The following SPAG16 variants were observed in gnomAD, a reference collection of about 807,000 sequenced individuals.
SPAG16 encodes sperm associated antigen 16.
A neutral mutation model predicts 80.4 loss-of-function variants in SPAG16; 86 were observed. The ratio of observed to expected loss-of-function variants is 1.07; its 90% CI spans 0.90 to 1.28. SPAG16 has a LOEUF of 1.28. Among genes scored for constraint, SPAG16 ranks in the 50% most tolerant of loss-of-function variants. SPAG16 has a pLI of 0.00. For synonymous variants in SPAG16, 294 were observed against 265.9 expected, an observed-to-expected ratio of 1.11 and a Z score of -1.03; for missense variants, 870 against 765.3, an observed-to-expected ratio of 1.14 and a Z score of -1.61.
intron 10 of SPAG16, among the ~76,000 whole-genome samples, chr2:213,825,696 T>C (rs1393779267): frequency 8.4e-6 from 1 of 118,572 alleles, no homozygotes; most frequent in Non-Finnish European, 1.8e-5. Flanking sequence ...TTTCTTTCTT[T>C]CTTTCTTTTT....
intron 6 of SPAG16, among the ~76,000 whole-genome samples, chr2:213,340,706 G>C (rs1303504292): frequency 1.3e-5 from 2 of 152,144 alleles, no homozygotes; most frequent in African/African-American, 4.8e-5. Context: ...AGAGAGTAAA[G>C]TGCAGCTGTG....
At chr2:213,296,993 G>A (rs1382454261) in intron 2 of SPAG16, 2 of 1,142,858 alleles carry the variant, frequency 1.7e-6, no homozygotes, top group African/African-American at 3.3e-5. Flanking sequence ...TTTTTCAGCA[G>A]AATTGTTAGA....
chr2:213,360,029 C>A (rs72939003), intron 7 of SPAG16, among the ~76,000 whole-genome samples: 33,119 of 152,068 alleles, frequency 0.22, 4,439 homozygotes, highest in Non-Finnish European at 0.31. Context: ...TTATAAATAG[C>A]TTTTCTCTCT....
chr2:213,917,668 T>C lies in SPAG16; in HGVS notation c.1215-12292T>C, dbSNP rs188009400. On this transcript the variant is annotated intron_variant, in intron 11 of 15. Transcript: ENST00000331683. ...GAAGTTGTTTGTCAGATCAGGGAAC[T>C]TTTGGGCCAAGATTATGGGGTTTTC... Among the ~76,000 whole-genome samples the C allele has an allele frequency of 2.9e-3, 435 of 152,320 alleles. 1 individual carries two copies. The highest frequency in any genetic ancestry group is 3.7e-3 in the Non-Finnish European group (250 of 68,012).
intron 10 of SPAG16, among the ~76,000 whole-genome samples, chr2:213,650,969 TG>T (rs1574650514): frequency 6.6e-6 from 1 of 152,228 alleles, no homozygotes; most frequent in East Asian, 1.9e-4. Context: ...GATTAGATTT[TG>T]GGTTTGGTTT....
intron 10 of SPAG16, among the ~76,000 whole-genome samples, chr2:213,557,640 T>C (rs1235360540): frequency 2.0e-5 from 3 of 152,040 alleles, no homozygotes; most frequent in African/African-American, 7.2e-5. Flanking sequence ...AAAAATTGAG[T>C]TGAAGTCTCA....
chr2:213,796,932 AAAGACC>A, intron 10 of SPAG16, among the ~76,000 whole-genome samples: 1 of 28,348 alleles, frequency 3.5e-5, no homozygotes, highest in African/African-American at 5.8e-5. Flanking sequence ...TATTTCTCCT[AAAGACC>A]TTTTAGTGAG....
chr2:213,835,520 C>G (rs972013484), intron 10 of SPAG16, among the ~76,000 whole-genome samples: 2 of 152,132 alleles, frequency 1.3e-5, no homozygotes, highest in Non-Finnish European at 2.9e-5. Flanking sequence ...TCTCTAGAAT[C>G]CATGCTAACA....
At chr2:213,366,988 C>T (rs192757096) in intron 8 of SPAG16, among the ~76,000 whole-genome samples, 1 of 152,100 alleles carries the variant, frequency 6.6e-6, no homozygotes, top group African/African-American at 2.4e-5. Context: ...CTTCCTGTGT[C>T]CAAGTGTTCT....
chr2:213,812,608 TAC>T (rs1276155873), intron 10 of SPAG16, among the ~76,000 whole-genome samples: 1 of 152,208 alleles, frequency 6.6e-6, no homozygotes, highest in Non-Finnish European at 1.5e-5. Context: ...GACTGCAACT[TAC>T]AGTGTTTTGG....
At chr2:213,420,501 T>C (rs1189429987) in intron 9 of SPAG16, among the ~76,000 whole-genome samples, 1 of 152,362 alleles carries the variant, frequency 6.6e-6, no homozygotes, top group African/African-American at 2.4e-5. Context: ...ATACACACTT[T>C]CACTCTGAAA....
intron 10 of SPAG16, among the ~76,000 whole-genome samples, chr2:213,769,799 A>C (rs1443849141): frequency 6.6e-6 from 1 of 152,174 alleles, no homozygotes; most frequent in Non-Finnish European, 1.5e-5. Context: ...ATCTTTGACA[A>C]ATTCATATAC....
intron 15 of SPAG16, among the ~76,000 whole-genome samples, chr2:214,280,096 A>G (rs1233042482): frequency 6.6e-6 from 1 of 152,208 alleles, no homozygotes; most frequent in Admixed American, 6.5e-5. Flanking sequence ...TCAACATAGC[A>G]GAAAGGAAAG....
chr2:213,683,506 G>A (rs530664546), intron 10 of SPAG16, among the ~76,000 whole-genome samples: 11 of 151,672 alleles, frequency 7.3e-5, no homozygotes, highest in East Asian at 1.9e-4. Flanking sequence ...AGCCGAGATC[G>A]CATCACTGCA....
chr2:213,884,659 T>G (rs920446055), intron 11 of SPAG16, among the ~76,000 whole-genome samples: 19 of 152,214 alleles, frequency 1.2e-4, no homozygotes, highest in African/African-American at 4.6e-4. Context: ...TCTCATTATA[T>G]AAACCCATAT....
chr2:213,682,509 C>T (rs1011416384), intron 10 of SPAG16, among the ~76,000 whole-genome samples: 1 of 152,188 alleles, frequency 6.6e-6, no homozygotes, highest in Admixed American at 6.5e-5. Flanking sequence ...CTGAGAGGGG[C>T]ATCTGGCCAA....
At chr2:213,607,726 C>T (rs889887) in intron 10 of SPAG16, among the ~76,000 whole-genome samples, 3,928 of 152,272 alleles carry the variant, frequency 0.026, 71 homozygotes, top group African/African-American at 0.046. Context: ...CATGTGCATT[C>T]TAAAATACAT....
At chr2:213,696,844 G>A (rs1043109472) in intron 10 of SPAG16, among the ~76,000 whole-genome samples, 4 of 152,156 alleles carry the variant, frequency 2.6e-5, no homozygotes, top group African/African-American at 9.7e-5. Context: ...AACTCTTCTT[G>A]TAAGTTTTAT....
intron 15 of SPAG16, among the ~76,000 whole-genome samples, chr2:214,375,529 C>T (rs1226715230): frequency 6.6e-6 from 1 of 152,130 alleles, no homozygotes; most frequent in Non-Finnish European, 1.5e-5. Flanking sequence ...CCATGCCCAC[C>T]TACAACACAC....
Sources: allele counts gnomAD v4.1 joint callset (sites outside exome capture counted in the v4.1 genomes callset), GRCh38; gene constraint gnomAD v4.1.1; transcripts MANE v1.5; gene names NCBI Gene and HGNC (gene_info 2026-07-23, HGNC 2026-07-21).